Variants in MEF2A observed in about 807,000 individuals in gnomAD.
MEF2A encodes the protein myocyte enhancer factor 2A, also known as myocyte-specific enhancer factor 2A.
Under a neutral mutation model 55.8 loss-of-function variants are expected in MEF2A, and 28 were observed. The ratio of observed to expected loss-of-function variants is 0.50; its 90% CI spans 0.37 to 0.69. MEF2A has a LOEUF of 0.69. MEF2A is among the 30% of genes least tolerant of loss of function. The probability of loss-of-function intolerance (pLI) is 0.00; values close to 1 mark genes in which losing one functional copy is unlikely to be tolerated. For missense variants in MEF2A, 528 were observed against 626.2 expected (o/e 0.84, Z 1.67); for synonymous variants, 239 against 227.1 (o/e 1.05, Z -0.47).
At chr15:99,675,084 T>C (rs2051689871) in intron 6 of MEF2A, among the ~76,000 whole-genome samples, 1 of 152,190 alleles carries the variant, frequency 6.6e-6, no homozygotes, top group Non-Finnish European at 1.5e-5. Flanking sequence ...GTCCTAGATT[T>C]AATTTAGTGA....
intron 3 of MEF2A, among the ~76,000 whole-genome samples, chr15:99,637,484 A>G (rs2044086393): frequency 6.6e-6 from 1 of 152,224 alleles, no homozygotes; most frequent in Admixed American, 6.5e-5. Flanking sequence ...AGTATATAAA[A>G]GTATACTTAA....
chr15:99,625,362 G>T (rs2041890426), intron 2 of MEF2A, among the ~76,000 whole-genome samples: 1 of 152,144 alleles, frequency 6.6e-6, no homozygotes, highest in South Asian at 2.1e-4. Context: ...TTTTCTACGT[G>T]TAAGATCATG....
At chr15:99,577,640 CCTT>C (rs897496102) in intron 1 of MEF2A, among the ~76,000 whole-genome samples, 2 of 151,976 alleles carry the variant, frequency 1.3e-5, no homozygotes, top group Admixed American at 1.3e-4. Context: ...ACTATGAAAA[CCTT>C]CTTTTGAATT....
At chr15:99,624,155 A>G (rs915291712) in intron 2 of MEF2A, among the ~76,000 whole-genome samples, 1 of 152,178 alleles carries the variant, frequency 6.6e-6, no homozygotes, top group African/African-American at 2.4e-5. Flanking sequence ...TACTCTGTTG[A>G]TAGTGCCGTT....
At chr15:99,667,679 T>A (rs181145524) in intron 4 of MEF2A, among the ~76,000 whole-genome samples, 30 of 151,762 alleles carry the variant, frequency 2.0e-4, no homozygotes, top group South Asian at 6.3e-4. Flanking sequence ...ATGAATTTGC[T>A]TCATAAATAC....
chr15:99,651,857 A>G (rs2046901142), intron 4 of MEF2A, among the ~76,000 whole-genome samples: 1 of 152,190 alleles, frequency 6.6e-6, no homozygotes, highest in South Asian at 2.1e-4. Context: ...TTGATACACA[A>G]ATGAGAGTTC....
intron 2 of MEF2A, among the ~76,000 whole-genome samples, chr15:99,629,265 T>G (rs569258384): frequency 3.4e-4 from 51 of 152,238 alleles, no homozygotes; most frequent in Admixed American, 2.0e-4. Context: ...ACACTCAAAA[T>G]CCTAAGGAAA....
chr15:99,704,263 T>A (rs1797575023), intron 9 of MEF2A, among the ~76,000 whole-genome samples: 1 of 152,264 alleles, frequency 6.6e-6, no homozygotes, highest in Admixed American at 6.5e-5. Flanking sequence ...GTTTGTTTTC[T>A]TTTCAAAGAA....
At chr15:99,691,504 C>A (rs763152989) in intron 8 of MEF2A, among the ~76,000 whole-genome samples, 99 of 151,428 alleles carry the variant, frequency 6.5e-4, no homozygotes, top group Non-Finnish European at 1.2e-3. Flanking sequence ...TCAAGACCAG[C>A]CTGGCCAACA....
chr15:99,602,336 T>A (rs551701185), intron 2 of MEF2A, among the ~76,000 whole-genome samples: 12 of 152,256 alleles, frequency 7.9e-5, no homozygotes, highest in Admixed American at 2.6e-4. Context: ...GGCCTAGCAC[T>A]TGGGAGGGGA....
intron 8 of MEF2A, among the ~76,000 whole-genome samples, chr15:99,696,688 A>G (rs1271886543): frequency 4.6e-5 from 7 of 151,882 alleles, no homozygotes; most frequent in African/African-American, 7.3e-5. Flanking sequence ...AAGAAACTCA[A>G]AAAAGAAGAG....
intron 4 of MEF2A, among the ~76,000 whole-genome samples, chr15:99,649,807 C>T (rs749743479): frequency 3.3e-5 from 5 of 152,100 alleles, no homozygotes; most frequent in Non-Finnish European, 5.9e-5. Flanking sequence ...TGGGATTCTG[C>T]ATCAAAAGAA....
At chr15:99,653,618 G>T (rs1644760539) in intron 4 of MEF2A, among the ~76,000 whole-genome samples, 2 of 152,064 alleles carry the variant, frequency 1.3e-5, no homozygotes, top group African/African-American at 2.4e-5. Context: ...TGGGATTATG[G>T]TTTTTTCCTC....
intron 7 of MEF2A, among the ~76,000 whole-genome samples, chr15:99,680,727 T>C (rs987520450): frequency 6.6e-6 from 1 of 152,158 alleles, no homozygotes; most frequent in Non-Finnish European, 1.5e-5. Flanking sequence ...GCAAAAAATA[T>C]GAGCATGGAA....
intron 8 of MEF2A, among the ~76,000 whole-genome samples, chr15:99,699,616 G>C (rs1373498272): frequency 1.3e-5 from 2 of 152,152 alleles, no homozygotes; most frequent in Non-Finnish European, 2.9e-5. Flanking sequence ...CTTTATTACA[G>C]ATAAGTAACA....
intron 9 of MEF2A, among the ~76,000 whole-genome samples, chr15:99,706,194 TG>T: frequency 6.6e-6 from 1 of 152,366 alleles, no homozygotes; most frequent in Non-Finnish European, 1.5e-5. Flanking sequence ...CCGAATCTGT[TG>T]TTAAAAAATA....
intron 2 of MEF2A, chr15:99,621,057 C>G (rs958868151): frequency 2.1e-4 from 32 of 152,122 alleles, no homozygotes; most frequent in African/African-American, 7.5e-4. Flanking sequence ...GTTGGCCAGG[C>G]TGGTCTCGAA....
chr15:99,620,270 G>A (rs1396293758), intron 2 of MEF2A, among the ~76,000 whole-genome samples: 1 of 152,156 alleles, frequency 6.6e-6, no homozygotes, highest in Non-Finnish European at 1.5e-5. Context: ...CTGGGGTTTT[G>A]TGTGTGAATA....
rs533521730 is a variant in MEF2A at position 99,657,962 on chromosome 15, T to C, written c.258+12198T>C. Reference sequence around the variant, plus strand: ...TGCCCTGTTAACTGGGGGAAGCAAATTTATATCCTTTTTGAAGAAAGTCAC... The same window carrying C: ...TGCCCTGTTAACTGGGGGAAGCAAACTTATATCCTTTTTGAAGAAAGTCAC... On this transcript the variant is annotated intron_variant, in intron 4 of 11. Transcript: ENST00000557942. Among the ~76,000 whole-genome samples the C allele has an allele frequency of 1.6e-4, 24 of 152,216 alleles. No homozygotes were observed. In the South Asian group the frequency reaches 3.7e-3, roughly 24 times the overall value.
Sources: allele counts gnomAD v4.1 joint callset (sites outside exome capture counted in the v4.1 genomes callset), GRCh38; gene constraint gnomAD v4.1.1; transcripts MANE v1.5; gene names NCBI Gene and HGNC (gene_info 2026-07-23, HGNC 2026-07-21).